CEP170: variants seen among roughly 807,000 people sequenced by gnomAD.
CEP170 encodes centrosomal protein 170.
Under a neutral mutation model 151.9 loss-of-function variants are expected in CEP170, and 21 were observed. The ratio of observed to expected loss-of-function variants is 0.14; its 90% CI spans 0.10 to 0.20. CEP170 has a LOEUF of 0.20. Ranked by LOEUF, CEP170 falls within the 10% of genes least tolerant of loss-of-function variation. CEP170 has a pLI of 1.00. For synonymous variants in CEP170, 356 were observed against 648.8 expected (o/e 0.55, Z 6.86); for missense variants, 964 against 1,892.9 (o/e 0.51, Z 9.11).
At chr1:243,166,141 G>A in intron 12 of CEP170, 25 bp from the exon 13 acceptor site, 1 of 1,609,470 alleles carries the variant, frequency 6.2e-7, no homozygotes, top group South Asian at 1.1e-5. Context: ...CCACAAAGAA[G>A]GAATTGATTA....
chr1:243,231,181 CATCATCATCATTATT>C (rs1477102149), intron 1 of CEP170, among the ~76,000 whole-genome samples: 40 of 129,082 alleles, frequency 3.1e-4, no homozygotes, highest in African/African-American at 9.6e-4. Context: ...TCATCATCAT[CATCATCATCATTATT>C]ATTATTATTA....
Position 243,185,719 on chromosome 1 carries a change from T to A in CEP170, c.1566+60A>T. ...CATCTCATGCTGACTCTCCAATAAT[T>A]TCCACCAGTCAAATACACCACACAA... On this transcript the variant is annotated intron_variant, in intron 10 of 19. Coordinates refer to ENST00000366542, the MANE Select transcript of CEP170 (RefSeq NM_014812.3). The surrounding 1 kb of genome is among the most constrained non-coding windows in gnomAD (Gnocchi z 4.9). 1 of 1,505,436 alleles carries A rather than the reference T, an allele frequency of 6.6e-7. No individual in the cohort carries two copies. The highest frequency in any genetic ancestry group is 8.9e-7 in the Non-Finnish European group (1 of 1,123,880). The allele number at this position is 1,505,436 out of a possible 1,614,324, so 93.3% of individuals were successfully genotyped here. A position where few individuals can be genotyped will look rare whatever the true frequency, so the allele number is the denominator to read the frequency against.
intron 4 of CEP170, among the ~76,000 whole-genome samples, chr1:243,201,174 A>G (rs1202675208): frequency 6.6e-6 from 1 of 152,122 alleles, no homozygotes; most frequent in Non-Finnish European, 1.5e-5. Flanking sequence ...GCATCAAATT[A>G]TATTGAGAGC....
chr1:243,200,336 T>C (rs1236854491), intron 6 of CEP170, among the ~76,000 whole-genome samples, 182 bp downstream of exon 6: 1 of 152,158 alleles, frequency 6.6e-6, no homozygotes, highest in African/African-American at 2.4e-5. Context: ...ATATAACTGC[T>C]ATATATAATT....
chr1:243,221,064 G>T (rs150103696), intron 3 of CEP170, among the ~76,000 whole-genome samples: 3 of 151,548 alleles, frequency 2.0e-5, no homozygotes, highest in Non-Finnish European at 1.5e-5. Flanking sequence ...TTGTTCTGTC[G>T]CCCAGGCTGG....
At chr1:243,234,928 C>T (rs1402469448) in intron 1 of CEP170, among the ~76,000 whole-genome samples, 1 of 152,128 alleles carries the variant, frequency 6.6e-6, no homozygotes, top group Non-Finnish European at 1.5e-5. Flanking sequence ...AAGAATTTCA[C>T]ATATAGGTGT....
chr1:243,160,364 G>C (rs2057966045), intron 13 of CEP170, among the ~76,000 whole-genome samples: 1 of 152,082 alleles, frequency 6.6e-6, no homozygotes, highest in Admixed American at 6.5e-5. Context: ...AAAGTTCCAA[G>C]ATGGGCTTGA....
chr1:243,167,073 G>T (rs2058494450), intron 12 of CEP170, among the ~76,000 whole-genome samples: 4 of 152,104 alleles, frequency 2.6e-5, no homozygotes, highest in Admixed American at 2.6e-4. Context: ...CATCCTTGAG[G>T]TTTGCTCAAA....
At chr1:243,131,142 C>T (rs982667755) in intron 17 of CEP170, among the ~76,000 whole-genome samples, 3 of 151,800 alleles carry the variant, frequency 2.0e-5, no homozygotes, top group East Asian at 1.9e-4. Context: ...GGGTTTTTCA[C>T]GGGTTGCCCC....
chr1:243,233,058 T>TA (rs762525749), intron 1 of CEP170, among the ~76,000 whole-genome samples: 101 of 152,162 alleles, frequency 6.6e-4, no homozygotes, highest in Non-Finnish European at 5.3e-4. Flanking sequence ...ATCTAGCCAT[T>TA]AAAAAATCCT....
In CEP170 at chr1:243,126,595, C is replaced by T; in HGVS notation, c.4609G>A (p.Gly1537Ser). 2 of 1,575,214 alleles carry T rather than the reference C, an allele frequency of 1.3e-6. No homozygotes were observed. The highest frequency in any genetic ancestry group is 1.7e-6 in the Non-Finnish European group (2 of 1,159,270). ...TGAAGAGCCCTAGCTTCTGGTTGGC[C>T]AAGTGTTGGTGTCTGACCCGGGCTG... ...HHSPGQTPTL[G>S]QPEARALHPA... The change falls in exon 20 of 20, where the codon GGC becomes AGC. Residue 1537 changes from glycine (G) to serine (S), a missense_variant. Coordinates refer to ENST00000366542, the MANE Select transcript of CEP170 (RefSeq NM_014812.3).
chr1:243,148,288 C>T (rs2056724002), intron 14 of CEP170, among the ~76,000 whole-genome samples: 1 of 151,764 alleles, frequency 6.6e-6, no homozygotes, highest in Admixed American at 6.6e-5. Context: ...GTATCAGTAT[C>T]AGCTGGGCGC....
intron 2 of CEP170, among the ~76,000 whole-genome samples, chr1:243,224,674 A>G (rs951858140): frequency 6.6e-6 from 1 of 152,164 alleles, no homozygotes; most frequent in Non-Finnish European, 1.5e-5. Flanking sequence ...ACTTGGAGTA[A>G]CTTACAGTAA....
At chr1:243,184,759 C>A (rs559522857) in intron 10 of CEP170, among the ~76,000 whole-genome samples, 26 of 151,930 alleles carry the variant, frequency 1.7e-4, no homozygotes, top group African/African-American at 6.3e-4. Flanking sequence ...CCTGAAGAGG[C>A]CATTCCAGAA....
intron 4 of CEP170, among the ~76,000 whole-genome samples, chr1:243,203,575 A>G (rs1470994208): frequency 1.3e-5 from 2 of 152,218 alleles, no homozygotes; most frequent in Admixed American, 1.3e-4. Context: ...CACTGTAAAC[A>G]TATCTTTCAA....
chr1:243,135,195 T>G (rs1000386435), intron 17 of CEP170, among the ~76,000 whole-genome samples: 2 of 152,104 alleles, frequency 1.3e-5, no homozygotes, highest in Non-Finnish European at 2.9e-5. Flanking sequence ...CTGGTACACC[T>G]TCAAGAAATT....
Position 243,225,194 on chromosome 1 carries a change from G to C in CEP170, c.87C>G (p.Asp29Glu). Residue 29 changes from aspartate (D) to glutamate (E), a missense_variant, in exon 2 of 20, where the codon GAC (aspartate) becomes GAG (glutamate). Physicochemically the swap from Asp to Glu is conservative, Grantham distance 45. Transcript: ENST00000366542. ...PREMIFVGRDDCELMLQSRSV... is the reference protein window; with the variant it reads ...PREMIFVGRDECELMLQSRSV... ...CAATTACCTGCAACATGAGCTCACA[G>C]TCATCTCTTCCAACAAAAATCATTT... 1 of 1,599,366 alleles carries C rather than the reference G, an allele frequency of 6.3e-7. No homozygotes were observed. Among genetic ancestry groups the C allele is most frequent in the Non-Finnish European group, 8.5e-7 (1 of 1,173,466 alleles).
At chr1:243,156,478 A>G in intron 13 of CEP170, 23 bp from the exon 14 acceptor site, 1 of 1,521,126 alleles carries the variant, frequency 6.6e-7, no homozygotes, top group South Asian at 1.3e-5. Context: ...AATTATTAAA[A>G]AAAGAATTAT....
chr1:243,223,303 A>G (rs2062970359), intron 2 of CEP170, among the ~76,000 whole-genome samples: 1 of 152,234 alleles, frequency 6.6e-6, no homozygotes, highest in Non-Finnish European at 1.5e-5. Flanking sequence ...AAAGAAAAAA[A>G]TCTAAATTAG....
Sources: allele counts gnomAD v4.1 joint callset (sites outside exome capture counted in the v4.1 genomes callset), GRCh38; gene constraint gnomAD v4.1.1; non-coding constraint Gnocchi (gnomAD v3.1); transcripts MANE v1.5; gene names NCBI Gene and HGNC (gene_info 2026-07-23, HGNC 2026-07-21).